The following TYW1 variants were observed in gnomAD, a reference collection of about 807,000 sequenced individuals.
TYW1 encodes the protein tRNA-yW synthesizing protein 1 homolog.
TYW1 carries 46 observed loss-of-function variants against 96.2 expected under a neutral mutation model. That is an observed-to-expected ratio of 0.48 (90% CI 0.38 to 0.61). The LOEUF (loss-of-function observed/expected upper bound fraction) is 0.61, where lower values mean the gene tolerates loss of function less well. Among genes scored for constraint, TYW1 ranks in the 20% least tolerant of loss-of-function variants. The probability of loss-of-function intolerance (pLI) is 0.00; values close to 1 mark genes in which losing one functional copy is unlikely to be tolerated. For synonymous variants in TYW1, 274 were observed against 323.0 expected (o/e 0.85, Z 1.63); for missense variants, 684 against 909.6 (o/e 0.75, Z 3.19).
At chr7:67,047,783 A>G (rs1175623849) in intron 7 of TYW1, among the ~76,000 whole-genome samples, 1 of 79,872 alleles carries the variant, frequency 1.3e-5, no homozygotes, top group Non-Finnish European at 2.4e-5. Flanking sequence ...GTGAGTGTCA[A>G]TTTTTTTTTT....
intron 5 of TYW1, among the ~76,000 whole-genome samples, chr7:67,015,984 A>G (rs1222714552): frequency 1.3e-5 from 2 of 151,774 alleles, no homozygotes; most frequent in Admixed American, 6.6e-5. Context: ...AAGATCATGA[A>G]TTTTTCAAGG....
intron 10 of TYW1, among the ~76,000 whole-genome samples, chr7:67,073,495 G>A (rs1246575464): frequency 1.3e-5 from 2 of 152,164 alleles, no homozygotes; most frequent in Non-Finnish European, 2.9e-5. Context: ...GACCAGGCCG[G>A]GTGCAGTGGC....
intron 9 of TYW1, chr7:67,066,997 T>C (rs1795886957): frequency 2.4e-6 from 1 of 410,894 alleles, no homozygotes; most frequent in Admixed American, 3.7e-5. Flanking sequence ...ATTGTATTAA[T>C]GTTATTTGAA....
chr7:67,009,719 C>T, intron 4 of TYW1, 35 bp downstream of exon 4: 1 of 1,517,168 alleles, frequency 6.6e-7, no homozygotes, highest in Non-Finnish European at 9.0e-7. Flanking sequence ...TCAAAACTCT[C>T]AAATTTAACT....
At chr7:67,213,271 G>T (rs140674787) in intron 15 of TYW1, among the ~76,000 whole-genome samples, 1 of 152,042 alleles carries the variant, frequency 6.6e-6, no homozygotes, top group East Asian at 1.9e-4. Flanking sequence ...GGGCTAAGGG[G>T]ATCCTCCCAC....
intron 15 of TYW1, among the ~76,000 whole-genome samples, chr7:67,222,726 A>C (rs1801431273): frequency 6.6e-6 from 1 of 151,810 alleles, no homozygotes. Context: ...TCTTTCATTA[A>C]ATTTAGGGAA....
intron 15 of TYW1, among the ~76,000 whole-genome samples, chr7:67,209,225 G>A (rs1272538057): frequency 1.3e-5 from 2 of 152,234 alleles, no homozygotes; most frequent in South Asian, 2.1e-4. Context: ...TTTCAGGGTT[G>A]AGCTAGAGGG....
intron 7 of TYW1, among the ~76,000 whole-genome samples, chr7:67,040,187 A>T (rs1399039205): frequency 6.7e-6 from 1 of 148,708 alleles, no homozygotes; most frequent in Non-Finnish European, 1.5e-5. Context: ...TGAACTCCTG[A>T]CCTCAAGTGA....
intron 13 of TYW1, among the ~76,000 whole-genome samples, chr7:67,132,406 G>T (rs1344277103): frequency 6.6e-6 from 1 of 151,934 alleles, no homozygotes; most frequent in Non-Finnish European, 1.5e-5. Context: ...TACTGCTCCT[G>T]GCCTATCATT....
chr7:67,118,489 G>A (rs181287113), intron 13 of TYW1, among the ~76,000 whole-genome samples: 2 of 152,090 alleles, frequency 1.3e-5, no homozygotes, highest in East Asian at 3.9e-4. Context: ...AAATATTTGT[G>A]TGACTTTTAA....
intron 13 of TYW1, among the ~76,000 whole-genome samples, chr7:67,158,171 C>T (rs973518013): frequency 7.3e-5 from 11 of 150,362 alleles, no homozygotes; most frequent in African/African-American, 2.4e-4. Context: ...TCACTGCAGC[C>T]TCTGCCTCCT....
At position 66,999,016 on chromosome 7, in the gene TYW1, C is replaced by A. The variant is rs564283147; in HGVS notation, c.273+62C>A. On this transcript the variant is annotated intron_variant, in intron 3 of 15. Transcript: ENST00000359626. ...TGACATTTTAAGAAAATCCCTTTAG[C>A]AGTGAACTTTAGCAGTGAACTGTCC... 5 of 1,573,984 alleles carry A rather than the reference C, an allele frequency of 3.2e-6. No homozygotes were observed. In the African/African-American group the frequency reaches 4.2e-5, roughly 13 times the overall value.
chr7:67,112,407 G>C (rs13229439), intron 12 of TYW1, among the ~76,000 whole-genome samples: 1 of 151,978 alleles, frequency 6.6e-6, no homozygotes, highest in African/African-American at 2.4e-5. Context: ...CCTGAGGCCA[G>C]GAATTTAAGA....
intron 6 of TYW1, among the ~76,000 whole-genome samples, chr7:67,023,385 C>A (rs1346728910): frequency 2.0e-5 from 3 of 152,144 alleles, no homozygotes; most frequent in Admixed American, 6.6e-5. Flanking sequence ...GAGTGAGCCA[C>A]TGTGTCCGGC....
At chr7:67,060,393 G>A (rs1795660726) in intron 9 of TYW1, among the ~76,000 whole-genome samples, 1 of 152,204 alleles carries the variant, frequency 6.6e-6, no homozygotes, top group Non-Finnish European at 1.5e-5. Flanking sequence ...AGTTTAGAAA[G>A]GGAAAATAAA....
chr7:67,046,226 G>A (rs1305721491), intron 7 of TYW1, among the ~76,000 whole-genome samples: 4 of 152,116 alleles, frequency 2.6e-5, no homozygotes, highest in African/African-American at 4.8e-5. Flanking sequence ...AGGTGATGCC[G>A]AGGCTTGCTT....
chr7:67,123,813 A>T (rs1237748835), intron 13 of TYW1, among the ~76,000 whole-genome samples: 1 of 152,242 alleles, frequency 6.6e-6, no homozygotes, highest in Non-Finnish European at 1.5e-5. Flanking sequence ...TTCCAGAAAG[A>T]TTACGAAGTA....
chr7:67,181,953 C>G (rs1338945868), intron 13 of TYW1, among the ~76,000 whole-genome samples: 1 of 152,110 alleles, frequency 6.6e-6, no homozygotes, highest in Non-Finnish European at 1.5e-5. Context: ...CTCAGCCTCC[C>G]AAGTAGCTGG....
chr7:67,001,933 C>G (rs1194338028), intron 3 of TYW1, among the ~76,000 whole-genome samples: 2 of 151,764 alleles, frequency 1.3e-5, no homozygotes, highest in African/African-American at 4.8e-5. Context: ...ACTTGGGAAG[C>G]TGAGGCAGAA....
Sources: allele counts gnomAD v4.1 joint callset (sites outside exome capture counted in the v4.1 genomes callset), GRCh38; gene constraint gnomAD v4.1.1; transcripts MANE v1.5; gene names NCBI Gene and HGNC (gene_info 2026-07-23, HGNC 2026-07-21).